Variants in CALB1 observed in about 807,000 individuals in gnomAD.
CALB1 encodes calbindin.
In CALB1, 16 loss-of-function variants were observed where a neutral mutation model predicts 46.7. The ratio of observed to expected loss-of-function variants is 0.34; its 90% CI spans 0.23 to 0.52. The LOEUF is 0.52. CALB1 is among the 20% of genes least tolerant of loss of function. The pLI, the probability that CALB1 is intolerant of heterozygous loss-of-function variation, is 0.95. For synonymous variants in CALB1, 90 were observed against 112.8 expected (o/e 0.80, Z 1.28); for missense variants, 224 against 300.3 (o/e 0.75, Z 1.88).
chr8:90,063,656 A>G (rs539059308), intron 6 of CALB1, 195 bp from the exon 7 acceptor site: 112 of 532,100 alleles, frequency 2.1e-4, no homozygotes, highest in Admixed American at 1.7e-3. Flanking sequence ...GTTTATCAGG[A>G]TAATATAGAA....
At chr8:90,080,978 G>C (rs1814721642) in intron 2 of CALB1, among the ~76,000 whole-genome samples, 1 of 152,006 alleles carries the variant, frequency 6.6e-6, no homozygotes, top group South Asian at 2.1e-4. Context: ...GACCATTAAC[G>C]TGTAACTCAT....
intron 5 of CALB1, among the ~76,000 whole-genome samples, chr8:90,068,514 T>C (rs967716943): frequency 1.3e-5 from 2 of 152,202 alleles, no homozygotes; most frequent in African/African-American, 4.8e-5. Flanking sequence ...TGGCCTTCAG[T>C]ATATCATTTA....
chr8:90,082,667 T>C lies in CALB1; in HGVS notation c.31A>G (p.Ile11Val), dbSNP rs994725129. MAESHLQSSLITASQFFEIWL... is the reference protein window; with the variant it reads MAESHLQSSLVTASQFFEIWL... Reference sequence around the variant, plus strand: ...ATCTCGAAAAACTGTGAGGCTGTGATGAGGGATGACTGCAGGTGGGATTCT... The same window carrying C: ...ATCTCGAAAAACTGTGAGGCTGTGACGAGGGATGACTGCAGGTGGGATTCT... Residue 11 changes from isoleucine to valine, a missense_variant, in exon 1 of 11, where the codon ATC (isoleucine) becomes GTC (valine). Coordinates refer to ENST00000265431, the MANE Select transcript of CALB1 (RefSeq NM_004929.4). 8.1e-6 allele frequency: 13 copies of C among 1,613,936 alleles called. No homozygotes were observed. Among genetic ancestry groups the C allele is most frequent in the Middle Eastern group, 1.6e-4 (1 of 6,084 alleles).
rs1396637874 is a variant in CALB1 at position 90,081,989 on chromosome 8, A to G, written c.156+37T>C. 4 of 1,558,406 alleles carry G rather than the reference A, an allele frequency of 2.6e-6. No individual in the cohort carries two copies. In the Admixed American group the frequency reaches 5.3e-5, roughly 20 times the overall value. ...ACAAGAATGTTTTAATTTGGGGGTT[A>G]AAAGTCTTTTTTTCTTTTTCGCAAA... On this transcript the variant is annotated intron_variant, in intron 2 of 10. Coordinates refer to ENST00000265431, the MANE Select transcript of CALB1 (RefSeq NM_004929.4).
At chr8:90,063,757 G>A (rs2130223006) in intron 6 of CALB1, 1 of 269,274 alleles carries the variant, frequency 3.7e-6, no homozygotes, top group East Asian at 7.8e-5. Flanking sequence ...ATCAAGATGT[G>A]GGAGGGATGG....
At chr8:90,074,035 G>A (rs1470879187) in intron 3 of CALB1, among the ~76,000 whole-genome samples, 1 of 151,220 alleles carries the variant, frequency 6.6e-6, no homozygotes, top group African/African-American at 2.4e-5. Context: ...TTTCACTTGA[G>A]AACCAGAAAA....
intron 5 of CALB1, among the ~76,000 whole-genome samples, chr8:90,066,752 C>A (rs1046507224): frequency 2.6e-5 from 4 of 151,980 alleles, no homozygotes; most frequent in African/African-American, 9.7e-5. Flanking sequence ...CAAAGATTTG[C>A]CATATAAGTG....
Position 90,068,990 on chromosome 8 carries a change from T to C in CALB1, c.372+8A>G, listed in dbSNP as rs1420225509. On this transcript the variant is annotated splice_region_variant and intron_variant, in intron 5 of 10. Coordinates refer to ENST00000265431, the MANE Select transcript of CALB1 (RefSeq NM_004929.4). Reference sequence around the variant, plus strand: ...GGAAAAACTTAGTACAAGTTTTTATTTGCTTACCTTAAGCTCCTCAGTTTC... The same window carrying C: ...GGAAAAACTTAGTACAAGTTTTTATCTGCTTACCTTAAGCTCCTCAGTTTC... The C allele has an allele frequency of 6.2e-7, 1 of 1,600,496 alleles. No homozygotes were observed. The highest frequency in any genetic ancestry group is 1.1e-5 in the South Asian group (1 of 88,530).
intron 6 of CALB1, chr8:90,064,311 C>T (rs1032249087): frequency 6.6e-6 from 1 of 151,546 alleles, no homozygotes; most frequent in African/African-American, 2.4e-5. Context: ...TTTTCAGGAT[C>T]CCATGCTGAC....
intron 5 of CALB1, among the ~76,000 whole-genome samples, chr8:90,067,012 T>G (rs183598022): frequency 1.3e-5 from 2 of 152,216 alleles, no homozygotes; most frequent in Admixed American, 6.5e-5. Context: ...TGATAAAAAT[T>G]TTTTACTTCA....
chr8:90,078,360 A>G lies in CALB1; in HGVS notation c.231+13T>C. ...TATTAAAATTAAATCAGAAAAATGC[A>G]TAAATTCCTTACCTCTACAATTCCT... On this transcript the variant is annotated intron_variant, in intron 3 of 10. Coordinates refer to ENST00000265431, the MANE Select transcript of CALB1 (RefSeq NM_004929.4). 6.6e-7 allele frequency: 1 copy of G among 1,509,306 alleles called. No individual in the cohort carries two copies. Among genetic ancestry groups the G allele is most frequent in the Non-Finnish European group, 9.1e-7 (1 of 1,101,172 alleles). 93.5% of individuals were successfully genotyped at this position (1,509,306 alleles called of 1,614,324 possible). A position where few individuals can be genotyped will look rare whatever the true frequency, so the allele number is the denominator to read the frequency against.
rs765055701 is a variant in CALB1, at chr8:90,082,613, A to T, written c.79+6T>A. 1 of 1,611,716 alleles carries T rather than the reference A, an allele frequency of 6.2e-7. No homozygotes were observed. The highest frequency in any genetic ancestry group is 8.5e-7 in the Non-Finnish European group (1 of 1,177,830). ...CTTGAAACAGTTAAAAAGAGAAGAT[A>T]ATCACCGTCAGCGTCGAAATGGAGC... On this transcript the variant is annotated splice_donor_region_variant and intron_variant, in intron 1 of 10. Coordinates refer to ENST00000265431, the MANE Select transcript of CALB1 (RefSeq NM_004929.4).
At chr8:90,082,533 T>A in intron 1 of CALB1, 86 bp downstream of exon 1, 1 of 1,047,040 alleles carries the variant, frequency 9.6e-7, no homozygotes, top group Admixed American at 1.7e-5. Flanking sequence ...GGAGGGATAA[T>A]GGGATCAGGA....
chr8:90,063,539 C>A, intron 6 of CALB1, 78 bp from the exon 7 acceptor site: 1 of 1,239,164 alleles, frequency 8.1e-7, no homozygotes, highest in African/African-American at 1.5e-5. Context: ...CAAAATAAAG[C>A]TGTTTGAGTT....
intron 1 of CALB1, chr8:90,082,338 G>C (rs1022519148): frequency 1.2e-5 from 7 of 601,010 alleles, no homozygotes; most frequent in African/African-American, 3.7e-5. Flanking sequence ...AGAAACTTTG[G>C]GGGGGCAGCA....
At position 90,063,473 on chromosome 8, in the gene CALB1, A is replaced by T; in HGVS notation, c.451-12T>A. The T allele has an allele frequency of 6.2e-7, 1 of 1,604,232 alleles. No individual in the cohort carries two copies. Among genetic ancestry groups the T allele is most frequent in the Non-Finnish European group, 8.5e-7 (1 of 1,172,316 alleles). On this transcript the variant is annotated splice_polypyrimidine_tract_variant and intron_variant, in intron 6 of 10. Coordinates refer to ENST00000265431, the MANE Select transcript of CALB1 (RefSeq NM_004929.4). ...TCAAATAGTTTCAGCTGAAAGACAG[A>T]ATGCCATTATTCTAGCTATTTGAGG...
intron 5 of CALB1, 107 bp from the exon 6 acceptor site, chr8:90,066,082 C>T (rs1814391064): frequency 1.3e-6 from 1 of 741,050 alleles, no homozygotes; most frequent in South Asian, 1.6e-5. Context: ...AGAAAGTCTC[C>T]TTTTGAGGGG....
chr8:90,075,835 T>A (rs1303715114), intron 3 of CALB1, among the ~76,000 whole-genome samples: 2 of 152,098 alleles, frequency 1.3e-5, no homozygotes, highest in Admixed American at 6.6e-5. Context: ...CTCAAACTAA[T>A]GCCCTCTTCC....
intron 1 of CALB1, 22 bp from the exon 2 acceptor site, chr8:90,082,124 C>G: frequency 6.3e-7 from 1 of 1,599,380 alleles, no homozygotes; most frequent in Non-Finnish European, 8.6e-7. Flanking sequence ...AAGAGGCACC[C>G]AGGTGTCAGA....
Sources: allele counts gnomAD v4.1 joint callset (sites outside exome capture counted in the v4.1 genomes callset), GRCh38; gene constraint gnomAD v4.1.1; transcripts MANE v1.5; gene names NCBI Gene and HGNC (gene_info 2026-07-23, HGNC 2026-07-21).